Variants in FAF1 observed in about 807,000 individuals in gnomAD.
The protein encoded by FAF1 is FAS-associated factor 1.
Under a neutral mutation model 92.5 loss-of-function variants are expected in FAF1, and 25 were observed. The ratio of observed to expected loss-of-function variants is 0.27; its 90% CI spans 0.20 to 0.38. FAF1 has a LOEUF of 0.38. Ranked by LOEUF, FAF1 falls within the 10% of genes least tolerant of loss-of-function variation. FAF1 has a pLI of 1.00. For missense variants in FAF1, 636 were observed against 793.3 expected, an observed-to-expected ratio of 0.80 and a Z score of 2.38; for synonymous variants, 234 against 273.2, an observed-to-expected ratio of 0.86 and a Z score of 1.42.
At chr1:50,739,394 T>G (rs181431954) in intron 5 of FAF1, among the ~76,000 whole-genome samples, 2 of 126,712 alleles carry the variant, frequency 1.6e-5, no homozygotes, top group African/African-American at 6.4e-5. Context: ...ATATGTGTGT[T>G]TATGTGTATG....
intron 1 of FAF1, among the ~76,000 whole-genome samples, chr1:50,904,710 T>C (rs1401614846): frequency 1.3e-5 from 2 of 152,150 alleles, no homozygotes; most frequent in African/African-American, 4.8e-5. Flanking sequence ...CTTATAAATA[T>C]TACTAATGGT....
Position 50,446,711 on chromosome 1 carries a change from G to A in FAF1, c.1870-5188C>T, listed in dbSNP as rs553755928. ...ATCTTTTACATTTAATATTTCTGAGGTAATGCTTTTATTTTGAAATTGAAT... is the reference window on the plus strand; with the variant it reads ...ATCTTTTACATTTAATATTTCTGAGATAATGCTTTTATTTTGAAATTGAAT... On this transcript the variant is annotated intron_variant, in intron 18 of 18. Coordinates refer to ENST00000396153, the MANE Select transcript of FAF1 (RefSeq NM_007051.3). 5.9e-5 allele frequency among the ~76,000 whole-genome samples: 9 copies of A among 152,210 alleles called. No individual in the cohort carries two copies. In the East Asian group the frequency reaches 1.7e-3, roughly 29 times the overall value.
chr1:50,788,378 T>C (rs1346378977), intron 3 of FAF1, among the ~76,000 whole-genome samples, 173 bp from the exon 4 acceptor site: 1 of 152,252 alleles, frequency 6.6e-6, no homozygotes, highest in Non-Finnish European at 1.5e-5. Context: ...TCCCATTGAC[T>C]GAAGGCCACA....
chr1:50,678,968 TC>T (rs1418829902), intron 7 of FAF1, among the ~76,000 whole-genome samples: 2 of 151,414 alleles, frequency 1.3e-5, no homozygotes, highest in Admixed American at 1.3e-4. Flanking sequence ...GCGCCTGTAG[TC>T]CCAGCTACTC....
chr1:50,845,827 A>C (rs759415373), intron 2 of FAF1, among the ~76,000 whole-genome samples: 1 of 152,144 alleles, frequency 6.6e-6, no homozygotes, highest in Non-Finnish European at 1.5e-5. Flanking sequence ...TAGCATAAAT[A>C]AAGGAAGACT....
At chr1:50,471,691 T>C (rs1448813856) in intron 18 of FAF1, among the ~76,000 whole-genome samples, 1 of 152,162 alleles carries the variant, frequency 6.6e-6, no homozygotes, top group Non-Finnish European at 1.5e-5. Context: ...ATTATATCAG[T>C]GGCAATACAT....
At chr1:50,708,197 G>A (rs1417296798) in intron 6 of FAF1, among the ~76,000 whole-genome samples, 1 of 152,186 alleles carries the variant, frequency 6.6e-6, no homozygotes, top group East Asian at 1.9e-4. Context: ...TGGCCACAGT[G>A]AGCAAAGACT....
At chr1:50,705,648 T>C (rs1259316746) in intron 7 of FAF1, 138 bp downstream of exon 7, 4 of 541,746 alleles carry the variant, frequency 7.4e-6, no homozygotes, top group Non-Finnish European at 1.0e-5. Context: ...TCATTGATGC[T>C]CCAGTTAATT....
chr1:50,656,936 C>T (rs909480844), intron 7 of FAF1, among the ~76,000 whole-genome samples: 13 of 151,960 alleles, frequency 8.6e-5, no homozygotes, highest in South Asian at 4.2e-4. Context: ...TGTTACTGGG[C>T]GTGGTGGTTC....
intron 4 of FAF1, among the ~76,000 whole-genome samples, chr1:50,756,586 C>A (rs1660083549): frequency 6.6e-6 from 1 of 152,228 alleles, no homozygotes; most frequent in Non-Finnish European, 1.5e-5. Flanking sequence ...CAGTGCCCCA[C>A]TCTCAGTACC....
intron 13 of FAF1, among the ~76,000 whole-genome samples, chr1:50,541,987 C>T (rs1459186850): frequency 6.6e-6 from 1 of 152,088 alleles, no homozygotes; most frequent in Non-Finnish European, 1.5e-5. Flanking sequence ...CGGTGCAGAT[C>T]GCAAAGCACA....
At chr1:50,921,756 G>A (rs1217995987) in intron 1 of FAF1, among the ~76,000 whole-genome samples, 2 of 151,928 alleles carry the variant, frequency 1.3e-5, no homozygotes, top group Non-Finnish European at 2.9e-5. Context: ...ACTCCAGCCT[G>A]GGAAATAGAG....
chr1:50,595,579 G>C (rs1651760288), intron 9 of FAF1, among the ~76,000 whole-genome samples: 2 of 152,132 alleles, frequency 1.3e-5, no homozygotes. Flanking sequence ...TTCTCATGCT[G>C]TTGCTTAGGC....
intron 2 of FAF1, among the ~76,000 whole-genome samples, chr1:50,848,799 C>T (rs1644324144): frequency 1.3e-5 from 2 of 152,094 alleles, no homozygotes; most frequent in African/African-American, 4.8e-5. Context: ...CTCAAAGTGT[C>T]AAGGTCATGG....
chr1:50,692,838 C>T (rs768824792), intron 7 of FAF1, among the ~76,000 whole-genome samples: 44 of 152,242 alleles, frequency 2.9e-4, no homozygotes, highest in Non-Finnish European at 4.3e-4. Flanking sequence ...GGCAACTTTT[C>T]ATTTGCTTAT....
chr1:50,903,869 T>C (rs1379006421), intron 1 of FAF1, among the ~76,000 whole-genome samples: 2 of 152,182 alleles, frequency 1.3e-5, no homozygotes, highest in African/African-American at 4.8e-5. Context: ...AGGTTGCACA[T>C]ACAGGATACT....
At chr1:50,636,601 C>T (rs187708919) in intron 8 of FAF1, among the ~76,000 whole-genome samples, 1 of 152,202 alleles carries the variant, frequency 6.6e-6, no homozygotes, top group Non-Finnish European at 1.5e-5. Context: ...GGTGATCCAC[C>T]TGCCTTGGCC....
At chr1:50,923,110 G>C (rs1423834564) in intron 1 of FAF1, among the ~76,000 whole-genome samples, 2 of 152,158 alleles carry the variant, frequency 1.3e-5, no homozygotes, top group African/African-American at 4.8e-5. Flanking sequence ...TGAGCAACAA[G>C]ATTGAATCAG....
intron 1 of FAF1, among the ~76,000 whole-genome samples, chr1:50,931,012 ATT>A (rs1051367068): frequency 9.8e-5 from 15 of 152,306 alleles, no homozygotes; most frequent in Admixed American, 5.9e-4. Flanking sequence ...TACATGATAT[ATT>A]GTTTGTCCAT....
Sources: gnomAD v4.1 joint callset for allele counts (sites outside exome capture counted in the v4.1 genomes callset) on GRCh38, gnomAD v4.1.1 for gene constraint, MANE v1.5 for transcripts, NCBI Gene and HGNC (gene_info 2026-07-23, HGNC 2026-07-21) for gene names.